SPMIP4: variants seen among roughly 807,000 people sequenced by gnomAD.
The protein encoded by SPMIP4 is sperm-associated microtubule inner protein 4.
At chr7:25,138,568 C>T in the SPMIP4 span, among the ~76,000 whole-genome samples, 5 of 152,164 alleles carry the variant, frequency 3.3e-5, no homozygotes, top group African/African-American at 1.2e-4. The surrounding 1 kb of genome is among the most constrained non-coding windows in gnomAD (Gnocchi z 6.2). Flanking sequence ...ATTTACAAAA[C>T]CAAAAATAAC....
chr7:25,162,483 G>A, the SPMIP4 span, among the ~76,000 whole-genome samples: 6 of 151,780 alleles, frequency 4.0e-5, no homozygotes, highest in Non-Finnish European at 7.4e-5. Context: ...AAAAATGGGC[G>A]AAGAATAAAC....
the SPMIP4 span, chr7:25,136,916 C>A: frequency 1.1e-6 from 1 of 919,774 alleles, no homozygotes. The surrounding 1 kb of genome is among the most constrained non-coding windows in gnomAD (Gnocchi z 5.7). Context: ...GTGTACATTG[C>A]AATGCTCTTT....
At chr7:25,159,087 T>A in the SPMIP4 span, among the ~76,000 whole-genome samples, 1 of 152,220 alleles carries the variant, frequency 6.6e-6, no homozygotes. Flanking sequence ...CTTCTAATGA[T>A]AAGAGAGCTC....
chr7:25,142,663 G>A, the SPMIP4 span: 1 of 1,612,862 alleles, frequency 6.2e-7, no homozygotes, highest in Admixed American at 1.7e-5. Flanking sequence ...AGTGTACGAA[G>A]TGAGCCAGTG....
At chr7:25,134,553 C>T in the SPMIP4 span, 1 of 433,224 alleles carries the variant, frequency 2.3e-6, no homozygotes, top group Non-Finnish European at 3.1e-6. Flanking sequence ...GAAGGCTGTG[C>T]CACCCTTGCA....
the SPMIP4 span, among the ~76,000 whole-genome samples, chr7:25,137,241 T>C: frequency 6.8e-6 from 1 of 146,758 alleles, no homozygotes; most frequent in Non-Finnish European, 1.5e-5. Context: ...TCCTGACTCC[T>C]AAGACCCTCC....
At chr7:25,145,119 C>T in the SPMIP4 span, among the ~76,000 whole-genome samples, 3 of 152,044 alleles carry the variant, frequency 2.0e-5, no homozygotes, top group Admixed American at 1.3e-4. Flanking sequence ...TGCACCACCA[C>T]GCCCGGCTAA....
At chr7:25,135,076 G>A in the SPMIP4 span, 7 of 449,320 alleles carry the variant, frequency 1.6e-5, no homozygotes, top group African/African-American at 1.3e-4. Flanking sequence ...GAACTTCCAC[G>A]ATAGACTATG....
At chr7:25,137,313 T>A in the SPMIP4 span, among the ~76,000 whole-genome samples, 22 of 136,500 alleles carry the variant, frequency 1.6e-4, no homozygotes, top group Non-Finnish European at 2.8e-4. Flanking sequence ...TTTTTTTTTT[T>A]TTTTTTATTT....
the SPMIP4 span, among the ~76,000 whole-genome samples, chr7:25,173,355 G>A: frequency 2.6e-5 from 4 of 152,172 alleles, no homozygotes; most frequent in Non-Finnish European, 4.4e-5. The surrounding 1 kb of genome is among the most constrained non-coding windows in gnomAD (Gnocchi z 4.4). Context: ...CTCCCTGCCC[G>A]TTTTTGTAAA....
chr7:25,152,597 T>C, the SPMIP4 span, among the ~76,000 whole-genome samples: 1 of 152,168 alleles, frequency 6.6e-6, no homozygotes, highest in African/African-American at 2.4e-5. Flanking sequence ...ATCTCAAAGG[T>C]AGAATTCAAA....
the SPMIP4 span, among the ~76,000 whole-genome samples, chr7:25,157,511 C>T: frequency 1.3e-5 from 2 of 152,150 alleles, no homozygotes; most frequent in African/African-American, 4.8e-5. Context: ...CGGCATGTAC[C>T]CTTGCTACGA....
At chr7:25,142,571 C>A in the SPMIP4 span, 2 of 1,336,902 alleles carry the variant, frequency 1.5e-6, no homozygotes, top group Non-Finnish European at 2.1e-6. Context: ...AAGTTGAAAG[C>A]TTGTCATAGC....
At chr7:25,167,600 TC>T in the SPMIP4 span, among the ~76,000 whole-genome samples, 1 of 152,210 alleles carries the variant, frequency 6.6e-6, no homozygotes, top group South Asian at 2.1e-4. Flanking sequence ...AATGTTTCTC[TC>T]TCTTGCTGTG....
chr7:25,140,311 ATTTATT>A, the SPMIP4 span, among the ~76,000 whole-genome samples: 2 of 152,052 alleles, frequency 1.3e-5, no homozygotes, highest in Admixed American at 6.6e-5. Context: ...TTATTTATTA[ATTTATT>A]TTGAGATGGA....
the SPMIP4 span, among the ~76,000 whole-genome samples, chr7:25,163,053 G>A: frequency 2.0e-5 from 3 of 152,126 alleles, no homozygotes; most frequent in Non-Finnish European, 2.9e-5. This position sits in a 1 kb window ranked among gnomAD's most constrained non-coding sequence, Gnocchi z 4.4. Context: ...GAGCCACTGC[G>A]CCCAGCTGGA....
the SPMIP4 span, chr7:25,168,380 G>A: frequency 2.5e-6 from 4 of 1,613,418 alleles, no homozygotes; most frequent in Non-Finnish European, 2.5e-6. Context: ...TCCTCGGGGA[G>A]TGAAATCGGT....
the SPMIP4 span, chr7:25,154,947 T>A: frequency 6.8e-7 from 1 of 1,472,108 alleles, no homozygotes; most frequent in South Asian, 1.2e-5. Context: ...TTGCTTTAAT[T>A]TTATTATTGA....
the SPMIP4 span, chr7:25,179,532 G>A: frequency 1.0e-5 from 4 of 395,156 alleles, no homozygotes; most frequent in Admixed American, 1.3e-4. Context: ...AATCCACAAA[G>A]TGGACGGTGC....
Sources: allele counts gnomAD v4.1 joint callset (sites outside exome capture counted in the v4.1 genomes callset), GRCh38; gene constraint gnomAD v4.1.1; non-coding constraint Gnocchi (gnomAD v3.1); transcripts MANE v1.5; gene names NCBI Gene and HGNC (gene_info 2026-07-23, HGNC 2026-07-21).